SLC29A3: variants seen among roughly 807,000 people sequenced by gnomAD.
SLC29A3 encodes equilibrative nucleoside transporter 3.
A neutral mutation model predicts 25.4 loss-of-function variants in SLC29A3; 18 were observed. The observed-to-expected ratio is 0.71, with a 90% CI of 0.49 to 1.05. The LOEUF (loss-of-function observed/expected upper bound fraction) is 1.05, where lower values mean the gene tolerates loss of function less well. Ranked by LOEUF, SLC29A3 falls within the 50% of genes least tolerant of loss-of-function variation. SLC29A3 has a pLI of 0.00. For missense variants in SLC29A3, 586 were observed against 609.0 expected, an observed-to-expected ratio of 0.96 and a Z score of 0.40; for synonymous variants, 258 against 267.1, an observed-to-expected ratio of 0.97 and a Z score of 0.33.
intron 3 of SLC29A3, among the ~76,000 whole-genome samples, chr10:71,347,644 C>T (rs758575287): frequency 2.6e-4 from 39 of 152,094 alleles, no homozygotes; most frequent in Admixed American, 1.3e-4. Flanking sequence ...CTAGAGCCCA[C>T]GGATGGAGGC....
intron 4 of SLC29A3, among the ~76,000 whole-genome samples, chr10:71,378,228 T>C (rs1313658716): frequency 6.6e-6 from 1 of 152,068 alleles, no homozygotes; most frequent in Non-Finnish European, 1.5e-5. Context: ...TATACGACCA[T>C]ATGAATGCAT....
intron 2 of SLC29A3, among the ~76,000 whole-genome samples, chr10:71,332,879 G>C (rs1403330006): frequency 2.6e-5 from 4 of 152,170 alleles, no homozygotes; most frequent in Admixed American, 2.6e-4. Context: ...TCATGCCTTT[G>C]GTGGCCTCAG....
chr10:71,375,432 T>C (rs972213163), intron 3 of SLC29A3, among the ~76,000 whole-genome samples: 2 of 152,196 alleles, frequency 1.3e-5, no homozygotes, highest in African/African-American at 4.8e-5. Flanking sequence ...CTTCAACACC[T>C]CACTAAAACT....
intron 3 of SLC29A3, among the ~76,000 whole-genome samples, chr10:71,375,371 C>T (rs577014324): frequency 1.5e-4 from 23 of 152,312 alleles, no homozygotes; most frequent in African/African-American, 5.1e-4. Flanking sequence ...CTTTTCAGTA[C>T]GTTCAATCCT....
chr10:71,356,735 A>G (rs1405733108), intron 5 of SLC29A3, among the ~76,000 whole-genome samples: 2 of 152,072 alleles, frequency 1.3e-5, no homozygotes, highest in Non-Finnish European at 2.9e-5. Flanking sequence ...CTGAAGTGGG[A>G]GGATCACTTG....
At chr10:71,359,751 A>G (rs577705636) in intron 5 of SLC29A3, among the ~76,000 whole-genome samples, 1 of 152,326 alleles carries the variant, frequency 6.6e-6, no homozygotes, top group South Asian at 2.1e-4. Context: ...GCCTGGCCCA[A>G]GATCACACAG....
At chr10:71,377,632 T>C (rs1442258387) in intron 4 of SLC29A3, among the ~76,000 whole-genome samples, 1 of 152,188 alleles carries the variant, frequency 6.6e-6, no homozygotes, top group East Asian at 1.9e-4. Flanking sequence ...AAGAAAGCCC[T>C]AGAGAGAGGC....
At chr10:71,335,893 A>G (rs1055385725) in intron 2 of SLC29A3, among the ~76,000 whole-genome samples, 1 of 151,958 alleles carries the variant, frequency 6.6e-6, no homozygotes, top group Non-Finnish European at 1.5e-5. Flanking sequence ...GAAACGAAGG[A>G]TGGAGCTCAG....
intron 3 of SLC29A3, among the ~76,000 whole-genome samples, chr10:71,371,384 A>C: frequency 6.6e-6 from 1 of 151,996 alleles, no homozygotes. Context: ...TCCTTCTAAG[A>C]GTCTTATGTG....
chr10:71,355,019 A>T (rs2131842935), intron 4 of SLC29A3, among the ~76,000 whole-genome samples: 1 of 152,354 alleles, frequency 6.6e-6, no homozygotes, highest in Admixed American at 6.5e-5. Flanking sequence ...TCGAAGGAAC[A>T]GAAAGACATG....
At chr10:71,354,222 C>G (rs1846837100) in intron 4 of SLC29A3, among the ~76,000 whole-genome samples, 1 of 152,170 alleles carries the variant, frequency 6.6e-6, no homozygotes, top group Non-Finnish European at 1.5e-5. Context: ...TCCTTTTAAT[C>G]TTCATCACAG....
At chr10:71,369,897 C>T (rs574281639) in intron 3 of SLC29A3, among the ~76,000 whole-genome samples, 2 of 152,314 alleles carry the variant, frequency 1.3e-5, no homozygotes, top group East Asian at 3.9e-4. Context: ...CACCCTGCTG[C>T]CTTAAAAGAT....
intron 2 of SLC29A3, among the ~76,000 whole-genome samples, chr10:71,339,917 G>A (rs1009323878): frequency 2.0e-5 from 3 of 151,720 alleles, no homozygotes; most frequent in African/African-American, 7.3e-5. Context: ...CCACCTCCCC[G>A]AGGGCACGCA....
intron 1 of SLC29A3, chr10:71,319,686 C>T (rs7068179): frequency 0.46 from 107,956 of 233,484 alleles, 26,090 homozygotes; most frequent in African/African-American, 0.65. Flanking sequence ...CCGGTTCTGC[C>T]GCGGCCAGTA....
chr10:71,331,068 G>A (rs1277931553), intron 2 of SLC29A3, among the ~76,000 whole-genome samples: 4 of 152,064 alleles, frequency 2.6e-5, no homozygotes, highest in African/African-American at 9.7e-5. Context: ...GGAGCATGAT[G>A]GCTGTCTCAC....
At chr10:71,359,600 G>T (rs555245777) in intron 5 of SLC29A3, among the ~76,000 whole-genome samples, 8 of 152,296 alleles carry the variant, frequency 5.3e-5, no homozygotes, top group African/African-American at 1.9e-4. Context: ...TTCTGGGGAC[G>T]GGCCCTCCCA....
At chr10:71,351,809 A>G (rs778213117) in intron 4 of SLC29A3, 21 bp downstream of exon 4, 2 of 1,589,786 alleles carry the variant, frequency 1.3e-6, no homozygotes, top group African/African-American at 1.3e-5. Context: ...GGGTCCGGGC[A>G]GCTGACCAGG....
intron 1 of SLC29A3, among the ~76,000 whole-genome samples, chr10:71,322,431 T>C (rs1479950326): frequency 6.6e-6 from 1 of 152,226 alleles, no homozygotes; most frequent in Non-Finnish European, 1.5e-5. Flanking sequence ...TCTGGGTACA[T>C]TGCCACAGTC....
chr10:71,355,323 C>T (rs1846873084), intron 4 of SLC29A3, among the ~76,000 whole-genome samples: 1 of 152,162 alleles, frequency 6.6e-6, no homozygotes, highest in Non-Finnish European at 1.5e-5. Context: ...TGTTAGGTAG[C>T]AGTGAAAGGT....
Sources: allele counts gnomAD v4.1 joint callset (sites outside exome capture counted in the v4.1 genomes callset), GRCh38; gene constraint gnomAD v4.1.1; transcripts MANE v1.5; gene names NCBI Gene and HGNC (gene_info 2026-07-23, HGNC 2026-07-21).